CPED1: variants seen among roughly 807,000 people sequenced by gnomAD.
CPED1 encodes the protein cadherin-like and PC-esterase domain-containing protein 1.
Under a neutral mutation model 128.2 loss-of-function variants are expected in CPED1, and 114 were observed. That is an observed-to-expected ratio of 0.89 (90% confidence interval 0.76 to 1.04). The LOEUF (loss-of-function observed/expected upper bound fraction) is 1.04, where lower values mean the gene tolerates loss of function less well. Among genes scored for constraint, CPED1 ranks in the 50% least tolerant of loss-of-function variants. The pLI is 0.00. For synonymous variants in CPED1, 462 were observed against 426.7 expected, an observed-to-expected ratio of 1.08 and a Z score of -1.02; for missense variants, 1,211 against 1,207.1, an observed-to-expected ratio of 1.00 and a Z score of -0.05.
rs1239174189 is a variant in CPED1, at chr7:121,037,358, G to A, written c.434-9529G>A. Among the ~76,000 whole-genome samples the A allele has an allele frequency of 5.3e-5, 8 of 152,142 alleles. No homozygotes were observed. In the East Asian group the frequency reaches 1.5e-3, roughly 29 times the overall value. Reference sequence around the variant, plus strand: ...ATCCAGTTTCATTCTTCTACATATGGCTTTCCAATTATCCCAGCACCATTT... The same window carrying A: ...ATCCAGTTTCATTCTTCTACATATGACTTTCCAATTATCCCAGCACCATTT... On this transcript the variant is annotated intron_variant, in intron 3 of 22. Coordinates refer to ENST00000310396, the MANE Select transcript of CPED1 (RefSeq NM_024913.5).
chr7:121,171,467 G>C (rs941885734), intron 16 of CPED1, among the ~76,000 whole-genome samples: 1 of 152,038 alleles, frequency 6.6e-6, no homozygotes, highest in Non-Finnish European at 1.5e-5. Flanking sequence ...TCCCAATTCT[G>C]CTTTTATTCA....
At chr7:121,153,465 A>T (rs1401948435) in intron 16 of CPED1, among the ~76,000 whole-genome samples, 2 of 152,196 alleles carry the variant, frequency 1.3e-5, no homozygotes, top group Non-Finnish European at 2.9e-5. Flanking sequence ...TCTGATAATT[A>T]TTTAGCACTT....
chr7:121,176,792 A>T (rs570157029), intron 16 of CPED1, among the ~76,000 whole-genome samples: 28 of 152,104 alleles, frequency 1.8e-4, no homozygotes, highest in African/African-American at 6.8e-4. Flanking sequence ...AACTTGTTGT[A>T]TGCCTTCTCC....
At chr7:121,066,484 C>T (rs915202403) in intron 5 of CPED1, among the ~76,000 whole-genome samples, 2 of 151,852 alleles carry the variant, frequency 1.3e-5, no homozygotes, top group South Asian at 2.1e-4. Context: ...ACTGGATTAC[C>T]CTGGATTTGA....
intron 16 of CPED1, among the ~76,000 whole-genome samples, chr7:121,183,361 G>A (rs1163514598): frequency 6.6e-6 from 1 of 152,190 alleles, no homozygotes; most frequent in African/African-American, 2.4e-5. Flanking sequence ...TCAGCCAAGA[G>A]ATATTTGTTT....
At chr7:121,125,985 A>G in intron 9 of CPED1, 93 bp downstream of exon 9, 1 of 904,544 alleles carries the variant, frequency 1.1e-6, no homozygotes, top group Non-Finnish European at 1.8e-6. Context: ...CATAGTAACC[A>G]ATCAATAAAT....
chr7:121,219,911 A>G (rs1261536068), intron 16 of CPED1, among the ~76,000 whole-genome samples: 1 of 152,072 alleles, frequency 6.6e-6, no homozygotes, highest in East Asian at 1.9e-4. Flanking sequence ...AAAAAATAGA[A>G]TAACTTAAGT....
At chr7:121,014,686 G>A (rs2116810376) in intron 2 of CPED1, among the ~76,000 whole-genome samples, 1 of 152,114 alleles carries the variant, frequency 6.6e-6, no homozygotes, top group South Asian at 2.1e-4. Flanking sequence ...TGTATTTTAG[G>A]TTAATAAAAT....
chr7:120,991,599 T>C (rs958094008), intron 2 of CPED1, among the ~76,000 whole-genome samples: 1 of 152,242 alleles, frequency 6.6e-6, no homozygotes, highest in African/African-American at 2.4e-5. Flanking sequence ...TTGTTCACTC[T>C]GTGTGATTCC....
chr7:121,064,295 ATAGT>A lies in CPED1; in HGVS notation c.602_605del (p.Val201GlufsTer10), dbSNP rs545239980. ...TTGCAGAAAGGAAGGATTATGTCAA[ATAGT>A]TAGAAGATTCCCAGGTAATCTTTCG... On this transcript the variant is annotated frameshift_variant, in exon 5 of 23. Coordinates refer to ENST00000310396, the MANE Select transcript of CPED1 (RefSeq NM_024913.5). LOFTEE classifies it high-confidence loss of function. 8.4e-5 allele frequency: 135 copies of A among 1,611,956 alleles called. No individual in the cohort carries two copies. In the African/African-American group the frequency reaches 1.4e-3, roughly 17 times the overall value.
Position 121,247,107 on chromosome 7 carries a change from T to TA in CPED1, c.2310+2775dup, listed in dbSNP as rs1562848983. Among the ~76,000 whole-genome samples, 5 of 152,162 alleles carry TA rather than the reference T, an allele frequency of 3.3e-5. No individual in the cohort carries two copies. The South Asian group carries it at 1.0e-3, about 32-fold the overall frequency. ...CAGCATGGAGGCTCTTTAGGGGTAA[T>TA]AAAAAATAGATGCTAGGGAGGCAGA... On this transcript the variant is annotated intron_variant, in intron 18 of 22. Coordinates refer to ENST00000310396, the MANE Select transcript of CPED1 (RefSeq NM_024913.5).
At chr7:121,241,955 A>T in intron 17 of CPED1, among the ~76,000 whole-genome samples, 1 of 152,190 alleles carries the variant, frequency 6.6e-6, no homozygotes, top group East Asian at 1.9e-4. Flanking sequence ...ATTAAAAAAT[A>T]CTGATTTCTG....
At chr7:121,190,654 T>G (rs963401291) in intron 16 of CPED1, among the ~76,000 whole-genome samples, 2 of 152,074 alleles carry the variant, frequency 1.3e-5, no homozygotes, top group Admixed American at 6.6e-5. Flanking sequence ...TTTCCTAGAC[T>G]CAGGAAAACT....
chr7:121,150,039 G>T (rs1259095082), intron 16 of CPED1, among the ~76,000 whole-genome samples: 1 of 152,074 alleles, frequency 6.6e-6, no homozygotes, highest in Non-Finnish European at 1.5e-5. Context: ...TAGATACGAA[G>T]TATTTTGTTT....
chr7:121,219,753 C>G (rs575355084), intron 16 of CPED1, among the ~76,000 whole-genome samples: 1 of 152,008 alleles, frequency 6.6e-6, no homozygotes, highest in East Asian at 1.9e-4. Flanking sequence ...GCAAGGGAAG[C>G]CGTATGTACT....
At position 121,287,697 on chromosome 7, in the gene CPED1, C is replaced by T. The variant is rs574003531; in HGVS notation, c.2869-7743C>T. 4.6e-5 allele frequency among the ~76,000 whole-genome samples: 7 copies of T among 151,922 alleles called. No individual in the cohort carries two copies. In the South Asian group the frequency reaches 1.3e-3, roughly 27 times the overall value. The stretch of plus-strand genomic sequence containing the variant: ...TTTAGAATTTCTTTTTCATGTTTTC[C>T]CCTGTTTTCCCCCAAATTCTTCTGC... On this transcript the variant is annotated intron_variant, in intron 22 of 22. Transcript: ENST00000310396.
At chr7:121,124,530 T>G (rs989578159) in intron 8 of CPED1, 57 bp downstream of exon 8, 1 of 1,273,462 alleles carries the variant, frequency 7.9e-7, no homozygotes, top group African/African-American at 1.5e-5. Flanking sequence ...AACCTATCTT[T>G]TAAAAATTGT....
intron 3 of CPED1, among the ~76,000 whole-genome samples, chr7:121,041,494 G>C (rs1288446954): frequency 2.6e-5 from 4 of 152,090 alleles, no homozygotes; most frequent in Admixed American, 6.6e-5. Flanking sequence ...GAAAATTAAA[G>C]TTGTCCTTCC....
At chr7:121,262,903 A>G (rs1792048589) in intron 18 of CPED1, among the ~76,000 whole-genome samples, 2 of 152,118 alleles carry the variant, frequency 1.3e-5, no homozygotes, top group African/African-American at 2.4e-5. Context: ...AGAAATATCA[A>G]TCTCTTACAA....
Sources: gnomAD v4.1 joint callset for allele counts (sites outside exome capture counted in the v4.1 genomes callset) on GRCh38, gnomAD v4.1.1 for gene constraint, MANE v1.5 for transcripts, NCBI Gene and HGNC (gene_info 2026-07-23, HGNC 2026-07-21) for gene names.